AAK1: variants seen among roughly 807,000 people sequenced by gnomAD.
AAK1 encodes the protein AP2 associated kinase 1.
Under a neutral mutation model 116.0 loss-of-function variants are expected in AAK1, and 37 were observed. The observed-to-expected ratio is 0.32, with a 90% CI of 0.25 to 0.42. The LOEUF (loss-of-function observed/expected upper bound fraction) is 0.42, where lower values mean the gene tolerates loss of function less well. Among genes scored for constraint, AAK1 ranks in the 10% least tolerant of loss-of-function variants. The probability of loss-of-function intolerance (pLI) is 1.00; values close to 1 mark genes in which losing one functional copy is unlikely to be tolerated. For missense variants in AAK1, 919 were observed against 1,170.6 expected (o/e 0.79, Z 3.14); for synonymous variants, 458 against 439.9 (o/e 1.04, Z -0.51).
In AAK1 at chr2:69,582,501, C is replaced by T. The variant is rs560850964; in HGVS notation, c.164-25523G>A. Among the ~76,000 whole-genome samples the T allele has an allele frequency of 5.3e-5, 8 of 152,258 alleles. No individual in the cohort carries two copies. The East Asian group carries it at 1.4e-3, about 26-fold the overall frequency. On this transcript the variant is annotated intron_variant, in intron 2 of 21. Coordinates refer to ENST00000409085, the MANE Select transcript of AAK1 (RefSeq NM_014911.5). ...GAGAGGTGGTGAGGAAGTTTGCCCACGCTGGCTCTTTTGGTCTGGGGAAGG... is the reference window on the plus strand; with the variant it reads ...GAGAGGTGGTGAGGAAGTTTGCCCATGCTGGCTCTTTTGGTCTGGGGAAGG...
intron 17 of AAK1, among the ~76,000 whole-genome samples, chr2:69,492,172 A>G (rs1675548115): frequency 6.6e-6 from 1 of 152,186 alleles, no homozygotes; most frequent in South Asian, 2.1e-4. Flanking sequence ...TAAAAAAGTT[A>G]AAAGTCATTG....
chr2:69,570,648 T>C (rs1467556204), intron 2 of AAK1, among the ~76,000 whole-genome samples: 1 of 152,180 alleles, frequency 6.6e-6, no homozygotes, highest in African/African-American at 2.4e-5. Flanking sequence ...GGAGAGCTTC[T>C]TATTTATCTT....
In AAK1 at chr2:69,643,255, C is replaced by A. The variant is rs556259981; in HGVS notation, c.-215G>T. On this transcript the variant is annotated 5_prime_UTR_variant, in exon 2 of 22. Coordinates refer to ENST00000409085, the MANE Select transcript of AAK1 (RefSeq NM_014911.5). ...GCGGGTCCCCTCCTCCTCCAGAAAG[C>A]GATTCGTGTAAGTTTAAACCTGTGA... The A allele has an allele frequency of 4.3e-6, 6 of 1,406,948 alleles. No individual in the cohort carries two copies. In the African/African-American group the frequency reaches 8.7e-5, roughly 20 times the overall value. The allele number at this position is 1,406,948 out of a possible 1,614,324, so 87.2% of individuals were successfully genotyped here.
intron 2 of AAK1, among the ~76,000 whole-genome samples, chr2:69,603,020 G>C (rs1673646216): frequency 6.6e-6 from 1 of 151,996 alleles, no homozygotes; most frequent in Admixed American, 6.5e-5. Flanking sequence ...GCAAAATCAA[G>C]TTGGTTCAAA....
chr2:69,466,264 G>C lies in AAK1; in HGVS notation c.*9605C>G, dbSNP rs1001630021. 1.1e-5 allele frequency: 14 copies of C among 1,289,620 alleles called. No homozygotes were observed. Among genetic ancestry groups the C allele is most frequent in the African/African-American group, 3.0e-5 (2 of 65,830 alleles). 79.9% of individuals were successfully genotyped at this position (1,289,620 alleles called of 1,614,324 possible). A position where few individuals can be genotyped will look rare whatever the true frequency, so the allele number is the denominator to read the frequency against. ...ACGGCTCCTCCCAGCTTCCCCGGGG[G>C]GGGTCTGCAGCTCTCATCTTCTTCT... is the stretch of plus-strand genomic sequence containing the variant. On this transcript the variant is annotated 3_prime_UTR_variant, in exon 22 of 22. Coordinates refer to ENST00000409085, the MANE Select transcript of AAK1 (RefSeq NM_014911.5).
At chr2:69,510,488 T>C (rs1056547183) in intron 13 of AAK1, among the ~76,000 whole-genome samples, 1 of 152,250 alleles carries the variant, frequency 6.6e-6, no homozygotes, top group African/African-American at 2.4e-5. Flanking sequence ...TTTGCTGTTA[T>C]GAATAGTGCT....
At chr2:69,609,073 T>C (rs1673942332) in intron 2 of AAK1, among the ~76,000 whole-genome samples, 1 of 152,302 alleles carries the variant, frequency 6.6e-6, no homozygotes, top group African/African-American at 2.4e-5. Context: ...GCCATCCCAA[T>C]AAAATAGGCT....
intron 10 of AAK1, among the ~76,000 whole-genome samples, chr2:69,524,090 AC>A (rs1308231812): frequency 1.3e-5 from 2 of 152,142 alleles, no homozygotes; most frequent in Admixed American, 6.5e-5. Context: ...ATTAGCTAAG[AC>A]CCAGAGAGTC....
chr2:69,547,310 G>C (rs1670968182), intron 3 of AAK1, among the ~76,000 whole-genome samples: 1 of 152,086 alleles, frequency 6.6e-6, no homozygotes, highest in Admixed American at 6.5e-5. Context: ...GCACTATTAA[G>C]ACAGTCTAAA....
chr2:69,465,213 C>A lies in AAK1; in HGVS notation c.*10656G>T, dbSNP rs1412407069. Reference sequence around the variant, plus strand: ...AAGTCCAGAAATCAATATAAACAAACAAACAAACAAACAAAAATGAACATA... The same window carrying A: ...AAGTCCAGAAATCAATATAAACAAAAAAACAAACAAACAAAAATGAACATA... On this transcript the variant is annotated 3_prime_UTR_variant, in exon 22 of 22. Coordinates refer to ENST00000409085, the MANE Select transcript of AAK1 (RefSeq NM_014911.5). 1 of 354,536 alleles carries A rather than the reference C, an allele frequency of 2.8e-6. No individual in the cohort carries two copies. Among genetic ancestry groups the A allele is most frequent in the African/African-American group, 2.2e-5 (1 of 46,386 alleles). The allele number at this position is 354,536 out of a possible 1,614,324, so 22.0% of individuals were successfully genotyped here. A position where few individuals can be genotyped will look rare whatever the true frequency, so the allele number is the denominator to read the frequency against.
Position 69,468,247 on chromosome 2 carries a change from T to C in AAK1, c.*7622A>G, listed in dbSNP as rs1674552661. 10 of 985,356 alleles carry C rather than the reference T, an allele frequency of 1.0e-5. No homozygotes were observed. Among genetic ancestry groups the C allele is most frequent in the Non-Finnish European group, 1.2e-5 (10 of 829,876 alleles). 61.0% of individuals were successfully genotyped at this position (985,356 alleles called of 1,614,324 possible). On this transcript the variant is annotated 3_prime_UTR_variant, in exon 22 of 22. Coordinates refer to ENST00000409085, the MANE Select transcript of AAK1 (RefSeq NM_014911.5). ...TTGCGATTTATGTGGACAGACATAA[T>C]CCTAATTTCTCAGGCAAGTAAATTG...
chr2:69,623,229 TC>T (rs888705593), intron 2 of AAK1, among the ~76,000 whole-genome samples: 13 of 151,988 alleles, frequency 8.6e-5, no homozygotes, highest in Admixed American at 8.5e-4. Flanking sequence ...AGGAACAAAC[TC>T]CAAACACACC....
Position 69,467,856 on chromosome 2 carries a change from G to C in AAK1, c.*8013C>G, listed in dbSNP as rs1674540648. On this transcript the variant is annotated 3_prime_UTR_variant, in exon 22 of 22. Transcript: ENST00000409085. Reference sequence around the variant, plus strand: ...TTACATTGTAAAGAGAATGTAGAGAGAGGTCTGAACATTTTATAAGATACT... The same window carrying C: ...TTACATTGTAAAGAGAATGTAGAGACAGGTCTGAACATTTTATAAGATACT... The C allele has an allele frequency of 1.0e-6, 1 of 985,280 alleles. No homozygotes were observed. The highest frequency in any genetic ancestry group is 1.2e-6 in the Non-Finnish European group (1 of 829,888). The allele number at this position is 985,280 out of a possible 1,614,324, so 61.0% of individuals were successfully genotyped here. A position where few individuals can be genotyped will look rare whatever the true frequency, so the allele number is the denominator to read the frequency against.
chr2:69,504,420 A>G (rs1344525059), intron 16 of AAK1, among the ~76,000 whole-genome samples: 1 of 123,918 alleles, frequency 8.1e-6, no homozygotes, highest in Non-Finnish European at 1.7e-5. Flanking sequence ...AAAAAAAAAA[A>G]GATGCATATC....
chr2:69,485,613 G>A (rs1675264722), intron 17 of AAK1, among the ~76,000 whole-genome samples: 1 of 151,848 alleles, frequency 6.6e-6, no homozygotes, highest in Non-Finnish European at 1.5e-5. Flanking sequence ...TATGCCTTTT[G>A]GCTTGACTGG....
At position 69,479,008 on chromosome 2, in the gene AAK1, T is replaced by C. The variant is rs373229214; in HGVS notation, c.2623A>G (p.Thr875Ala). The change falls in exon 20 of 22, where the codon ACT becomes GCT. Residue 875 changes from threonine to alanine, a missense_variant. By Grantham distance (58) the Thr-to-Ala change is moderately conservative (BLOSUM62 0). This residue lies in a region of AAK1 where 263 missense variants were observed against 285.5 expected (regional missense o/e 0.92). Transcript: ENST00000409085. ...GCAAACTCTTCCAGAAGGTCAGTAG[T>C]AGGGTTAGAGAGCAGAGAGCAATCA... ...LLDCSLLSNPTTDLLEEFAPT... is the reference protein window; with the variant it reads ...LLDCSLLSNPATDLLEEFAPT... 72 of 1,613,716 alleles carry C rather than the reference T, an allele frequency of 4.5e-5. No homozygotes were observed. The highest frequency in any genetic ancestry group is 5.3e-5 in the African/African-American group (4 of 74,894).
chr2:69,596,950 A>G (rs1251313451), intron 2 of AAK1, among the ~76,000 whole-genome samples: 3 of 151,838 alleles, frequency 2.0e-5, no homozygotes, highest in Non-Finnish European at 2.9e-5. Context: ...GGGTGTTACC[A>G]GTGCCTGTGT....
intron 19 of AAK1, 59 bp downstream of exon 19, chr2:69,480,801 C>A: frequency 6.9e-7 from 1 of 1,439,110 alleles, no homozygotes; most frequent in Non-Finnish European, 9.5e-7. Flanking sequence ...GGTGAAAAGA[C>A]TGGCTCAGAG....
intron 19 of AAK1, 102 bp downstream of exon 19, chr2:69,480,758 G>C: frequency 2.2e-6 from 2 of 915,722 alleles, no homozygotes; most frequent in South Asian, 3.6e-5. Context: ...GAACTACCTG[G>C]GCTTCAAAAT....
Sources: gnomAD v4.1 joint callset for allele counts (sites outside exome capture counted in the v4.1 genomes callset) on GRCh38, gnomAD v4.1.1 for gene constraint, gnomAD v4.1.1 regional missense constraint, MANE v1.5 for transcripts, NCBI Gene and HGNC (gene_info 2026-07-23, HGNC 2026-07-21) for gene names.